The following RANBP17 variants were observed in gnomAD, a reference collection of about 807,000 sequenced individuals.
RANBP17 encodes the protein ran-binding protein 17.
In RANBP17, 158 loss-of-function variants were observed where a neutral mutation model predicts 141.2. The observed-to-expected ratio is 1.12, with a 90% CI of 0.98 to 1.28. RANBP17 has a LOEUF of 1.28. RANBP17 is among the 50% of genes most tolerant of loss of function. RANBP17 has a pLI of 0.00. For synonymous variants in RANBP17, 430 were observed against 450.0 expected (o/e 0.96, Z 0.56); for missense variants, 1,438 against 1,290.7 (o/e 1.11, Z -1.75).
Position 170,924,353 on chromosome 5 carries a change from G to C in RANBP17, c.1275-4G>C, listed in dbSNP as rs1202760951. On this transcript the variant is annotated splice_polypyrimidine_tract_variant and splice_region_variant and intron_variant, in intron 11 of 27. Transcript: ENST00000523189. ...TTGTCTGCAAACTTATTCTGTGTTTGCAGAGATCACTTAGATGATCCACTG... is the reference window on the plus strand; with the variant it reads ...TTGTCTGCAAACTTATTCTGTGTTTCCAGAGATCACTTAGATGATCCACTG... 1.3e-6 allele frequency: 2 copies of C among 1,570,328 alleles called. No homozygotes were observed. Among genetic ancestry groups the C allele is most frequent in the Non-Finnish European group, 1.7e-6 (2 of 1,146,268 alleles).
At chr5:170,941,578 G>A (rs1448218695) in intron 12 of RANBP17, among the ~76,000 whole-genome samples, 3 of 152,252 alleles carry the variant, frequency 2.0e-5, no homozygotes, top group African/African-American at 7.2e-5. Context: ...ACAAGAATAT[G>A]GGAAGAATTC....
chr5:171,025,072 A>G (rs936956534), intron 14 of RANBP17, among the ~76,000 whole-genome samples: 3 of 152,328 alleles, frequency 2.0e-5, no homozygotes, highest in South Asian at 2.1e-4. Flanking sequence ...AGTGTAACCA[A>G]TCAGTCATTA....
chr5:171,058,318 C>A (rs780095917), intron 14 of RANBP17, among the ~76,000 whole-genome samples: 30 of 109,018 alleles, frequency 2.8e-4, no homozygotes, highest in Middle Eastern at 6.0e-3. Flanking sequence ...CCCCTCCCCC[C>A]ACCCCACAAC....
At chr5:171,251,559 T>G (rs1268558905) in intron 24 of RANBP17, among the ~76,000 whole-genome samples, 3 of 150,596 alleles carry the variant, frequency 2.0e-5, no homozygotes, top group South Asian at 2.2e-4. Context: ...AAAAAAAAAC[T>G]TCTTGAAACA....
rs577855794 is a variant in RANBP17, at chr5:171,006,197, C to A, written c.1710+37820C>A. Among the ~76,000 whole-genome samples the A allele has an allele frequency of 1.2e-4, 19 of 152,242 alleles. 1 individual carries two copies. Among genetic ancestry groups the A allele is most frequent in the African/African-American group, 3.9e-4 (16 of 41,552 alleles). ...GTGGAAGTCAGTATGGCGATTCCTTCGGGATCTAGAACTAGAAATACCATT... is the reference window on the plus strand; with the variant it reads ...GTGGAAGTCAGTATGGCGATTCCTTAGGGATCTAGAACTAGAAATACCATT... On this transcript the variant is annotated intron_variant, in intron 14 of 27. Transcript: ENST00000523189.
chr5:171,199,343 A>G (rs1762164070), intron 18 of RANBP17, among the ~76,000 whole-genome samples: 1 of 152,168 alleles, frequency 6.6e-6, no homozygotes, highest in South Asian at 2.1e-4. Context: ...AGGCTTTGAA[A>G]GTGGTCTTCC....
intron 14 of RANBP17, among the ~76,000 whole-genome samples, chr5:170,969,152 GATA>G (rs138392366): frequency 3.5e-4 from 53 of 151,724 alleles, no homozygotes; most frequent in African/African-American, 1.1e-3. Context: ...AGGATTTTCT[GATA>G]ATAATAATTG....
chr5:171,104,696 G>A (rs542047919), intron 14 of RANBP17, among the ~76,000 whole-genome samples: 1 of 152,176 alleles, frequency 6.6e-6, no homozygotes, highest in African/African-American at 2.4e-5. Flanking sequence ...AATTTCTTTT[G>A]TCTAAAGAAC....
At chr5:170,969,920 A>C (rs1321302401) in intron 14 of RANBP17, among the ~76,000 whole-genome samples, 1 of 151,960 alleles carries the variant, frequency 6.6e-6, no homozygotes, top group Admixed American at 6.6e-5. Context: ...TAAGGTGACA[A>C]AATTTCTAAG....
intron 14 of RANBP17, among the ~76,000 whole-genome samples, chr5:171,024,847 T>A (rs1264286849): frequency 6.6e-6 from 1 of 152,124 alleles, no homozygotes; most frequent in Non-Finnish European, 1.5e-5. Flanking sequence ...AATTACTGTC[T>A]ATTTCCTCAT....
At chr5:171,100,611 C>G (rs996394778) in intron 14 of RANBP17, among the ~76,000 whole-genome samples, 3 of 152,130 alleles carry the variant, frequency 2.0e-5, no homozygotes, top group Non-Finnish European at 2.9e-5. Context: ...CAGTTCTGCT[C>G]TGATCTTAGT....
chr5:171,114,592 A>G (rs1274794775), intron 14 of RANBP17, among the ~76,000 whole-genome samples: 1 of 151,306 alleles, frequency 6.6e-6, no homozygotes, highest in African/African-American at 2.4e-5. Flanking sequence ...TCCAGCCACA[A>G]AGAGGGAATA....
intron 14 of RANBP17, among the ~76,000 whole-genome samples, chr5:171,129,203 T>C (rs1212362385): frequency 6.6e-6 from 1 of 152,222 alleles, no homozygotes; most frequent in Non-Finnish European, 1.5e-5. Context: ...CAAGTCTAGC[T>C]GTCATTGTTT....
intron 14 of RANBP17, among the ~76,000 whole-genome samples, chr5:171,011,588 T>G (rs902986277): frequency 7.2e-5 from 11 of 152,084 alleles, no homozygotes; most frequent in African/African-American, 2.2e-4. Context: ...ACCTCTCTCT[T>G]TCTACATCTA....
chr5:171,113,159 AC>A (rs1755369488), intron 14 of RANBP17, among the ~76,000 whole-genome samples: 1 of 152,180 alleles, frequency 6.6e-6, no homozygotes, highest in Non-Finnish European at 1.5e-5. Flanking sequence ...GTATCACTAA[AC>A]AATCTCCTGC....
At chr5:171,279,379 G>A (rs973009926) in intron 25 of RANBP17, among the ~76,000 whole-genome samples, 1 of 152,148 alleles carries the variant, frequency 6.6e-6, no homozygotes. Context: ...GAAACCCAAC[G>A]TCAAGGGTCT....
chr5:170,988,507 G>A (rs879492733), intron 14 of RANBP17, among the ~76,000 whole-genome samples: 2 of 151,552 alleles, frequency 1.3e-5, no homozygotes, highest in Non-Finnish European at 3.0e-5. Flanking sequence ...ATTTGAAAGA[G>A]GTTTTAGTTA....
intron 14 of RANBP17, among the ~76,000 whole-genome samples, chr5:171,078,343 A>T (rs928241316): frequency 1.3e-5 from 2 of 151,910 alleles, no homozygotes; most frequent in African/African-American, 4.8e-5. Flanking sequence ...TTTGGTAGAG[A>T]CGGAGTTTCA....
intron 14 of RANBP17, among the ~76,000 whole-genome samples, chr5:171,088,958 C>G (rs529061944): frequency 6.6e-6 from 1 of 151,896 alleles, no homozygotes; most frequent in East Asian, 1.9e-4. Flanking sequence ...CTTCTTCTCT[C>G]AGCTCGTCAA....
Sources: allele counts gnomAD v4.1 joint callset (sites outside exome capture counted in the v4.1 genomes callset), GRCh38; gene constraint gnomAD v4.1.1; transcripts MANE v1.5; gene names NCBI Gene and HGNC (gene_info 2026-07-23, HGNC 2026-07-21).